TRIML1: variants seen among roughly 807,000 people sequenced by gnomAD.
The protein encoded by TRIML1 is tripartite motif family like 1.
In TRIML1, 34 loss-of-function variants were observed where a neutral mutation model predicts 32.3. The ratio of observed to expected loss-of-function variants is 1.05; its 90% CI spans 0.80 to 1.40. The LOEUF is 1.40. TRIML1 is among the 40% of genes most tolerant of loss of function. The pLI, the probability that TRIML1 is intolerant of heterozygous loss-of-function variation, is 0.00. For missense variants in TRIML1, 595 were observed against 574.9 expected (o/e 1.03, Z -0.36); for synonymous variants, 244 against 226.6 (o/e 1.08, Z -0.69).
chr4:188,150,433 C>T (rs922858889), downstream of TRIML1, among the ~76,000 whole-genome samples: 11 of 152,172 alleles, frequency 7.2e-5, no homozygotes, highest in Non-Finnish European at 1.2e-4. Flanking sequence ...CTGGGCCCCA[C>T]TTATTAGACA....
At position 188,139,853 on chromosome 4, in the gene TRIML1, C is replaced by G; in HGVS notation, c.295C>G (p.Pro99Ala). 1 of 1,613,822 alleles carries G rather than the reference C, an allele frequency of 6.2e-7. No individual in the cohort carries two copies. Among genetic ancestry groups the G allele is most frequent in the Non-Finnish European group, 8.5e-7 (1 of 1,180,026 alleles). ...EDEQGSYGRMPTTAKALSDDE... is the reference protein window; with the variant it reads ...EDEQGSYGRMATTAKALSDDE... Reference sequence around the variant, plus strand: ...TGAGCAGGGCAGCTACGGGAGGATGCCCACCACTGCCAAGGCGCTCTCCGA... The same window carrying G: ...TGAGCAGGGCAGCTACGGGAGGATGGCCACCACTGCCAAGGCGCTCTCCGA... The change falls in exon 1 of 6, where the codon CCC becomes GCC. Residue 99 changes from proline (P) to alanine (A), a missense_variant. By Grantham distance (27) the Pro-to-Ala change is conservative. Transcript: ENST00000332517.
At chr4:188,142,537 T>G in intron 3 of TRIML1, 55 bp downstream of exon 3, 1 of 1,322,166 alleles carries the variant, frequency 7.6e-7, no homozygotes, top group South Asian at 1.3e-5. Context: ...TCATAGTACT[T>G]CAAGCCATAG....
In TRIML1 at chr4:188,139,721, G is replaced by A; in HGVS notation, c.163G>A (p.Glu55Lys). Residue 55 changes from glutamate (E) to lysine (K), a missense_variant, in exon 1 of 6, where the codon GAG (glutamate) becomes AAG (lysine). Physicochemically the swap from Glu to Lys is moderately conservative, Grantham distance 56 (BLOSUM62 1). Coordinates refer to ENST00000332517, the MANE Select transcript of TRIML1 (RefSeq NM_178556.5). The stretch of plus-strand genomic sequence containing the variant: ...ACATAACACACCTTTATCTTGTCCT[G>A]AGTGCTGGAGGACCTTGGAGGGCCC... ...EEHNTPLSCP[E>K]CWRTLEGPHF... 2.5e-6 allele frequency: 4 copies of A among 1,614,014 alleles called. No individual in the cohort carries two copies. The highest frequency in any genetic ancestry group is 1.3e-5 in the African/African-American group (1 of 75,034).
intron 2 of TRIML1, among the ~76,000 whole-genome samples, chr4:188,141,559 T>C (rs146470651): frequency 6.6e-6 from 1 of 152,336 alleles, no homozygotes; most frequent in East Asian, 1.9e-4. Context: ...TAAATATTTG[T>C]TGAATAAATG....
Position 188,143,827 on chromosome 4 carries a change from T to G in TRIML1, c.736-11T>G. Reference sequence around the variant, plus strand: ...GCGCACCATGCTAACTTCTTTCTTTTTTACCCGTAGGAAGTGAGAGGAGCC... The same window carrying G: ...GCGCACCATGCTAACTTCTTTCTTTGTTACCCGTAGGAAGTGAGAGGAGCC... On this transcript the variant is annotated splice_polypyrimidine_tract_variant and intron_variant, in intron 3 of 5. Coordinates refer to ENST00000332517, the MANE Select transcript of TRIML1 (RefSeq NM_178556.5). The G allele has an allele frequency of 6.2e-7, 1 of 1,614,160 alleles. No homozygotes were observed. Among genetic ancestry groups the G allele is most frequent in the Non-Finnish European group, 8.5e-7 (1 of 1,180,030 alleles).
chr4:188,141,163 C>CTTTTTTTTTTT (rs1734837698), intron 2 of TRIML1, among the ~76,000 whole-genome samples: 3 of 106,342 alleles, frequency 2.8e-5, no homozygotes, highest in Non-Finnish European at 1.8e-5. Flanking sequence ...ACTTTGAAAT[C>CTTTTTTTTTTT]TGTTTTTTTT....
At chr4:188,149,420 G>A (rs1735194659), downstream of TRIML1, among the ~76,000 whole-genome samples, 1 of 152,222 alleles carries the variant, frequency 6.6e-6, no homozygotes, top group South Asian at 2.1e-4. Flanking sequence ...AGTTTTGTCT[G>A]TAAATTGGAG....
downstream of TRIML1, among the ~76,000 whole-genome samples, chr4:188,148,686 T>G (rs1377999924): frequency 6.7e-6 from 1 of 148,866 alleles, no homozygotes; most frequent in African/African-American, 2.5e-5. Flanking sequence ...CACTGCAACC[T>G]CCACCTCCGG....
upstream of TRIML1, chr4:188,139,351 C>T (rs189354219): frequency 1.2e-5 from 6 of 510,564 alleles, no homozygotes; most frequent in Admixed American, 1.8e-4. Context: ...GCCCAGTATA[C>T]AGGAGTTCCA....
rs77409624 is a variant in TRIML1, at chr4:188,139,829, G to C, written c.271G>C (p.Glu91Gln). The stretch of plus-strand genomic sequence containing the variant: ...GTCCCAGGTGCTGCAGAGCGAGGAT[G>C]AGCAGGGCAGCTACGGGAGGATGCC... The part of the protein sequence containing the change: ...LRSQVLQSED[E>Q]QGSYGRMPTT... The change falls in exon 1 of 6, where the codon GAG becomes CAG. Residue 91 changes from glutamate (E) to glutamine (Q), a missense_variant. Transcript: ENST00000332517. The C allele has an allele frequency of 1.8e-3, 2,953 of 1,613,904 alleles. 56 individuals carry two copies. The East Asian group carries it at 0.038, about 21-fold the overall frequency.
At chr4:188,140,128 TTTTTTG>T (rs1448946990) in intron 1 of TRIML1, among the ~76,000 whole-genome samples, 162 bp downstream of exon 1, 1 of 138,964 alleles carries the variant, frequency 7.2e-6, no homozygotes, top group Non-Finnish European at 1.6e-5. Context: ...TTTTTTCCCT[TTTTTTG>T]TTTTTGAGAC....
chr4:188,137,240 G>T (rs1374589292), upstream of TRIML1, among the ~76,000 whole-genome samples: 1 of 151,200 alleles, frequency 6.6e-6, no homozygotes, highest in African/African-American at 2.4e-5. Context: ...ACACTGAATG[G>T]AGATGGTAGT....
At chr4:188,138,531 G>T (rs557637605), upstream of TRIML1, among the ~76,000 whole-genome samples, 9 of 152,052 alleles carry the variant, frequency 5.9e-5, no homozygotes, top group Admixed American at 1.3e-4. Flanking sequence ...CCCGAGCAGG[G>T]GACACAGTGA....
intron 2 of TRIML1, 24 bp from the exon 3 acceptor site, chr4:188,142,228 G>A (rs763635595): frequency 1.4e-6 from 2 of 1,394,486 alleles, no homozygotes; most frequent in East Asian, 2.3e-5. Context: ...GTGTGTGTGT[G>A]TGTGTGTGTG....
At chr4:188,150,736 C>A (rs1255799312), downstream of TRIML1, among the ~76,000 whole-genome samples, 1 of 151,278 alleles carries the variant, frequency 6.6e-6, no homozygotes, top group Admixed American at 6.6e-5. Flanking sequence ...CTTTGCTGCA[C>A]CATTGTGTAC....
At chr4:188,149,739 C>A (rs554442699), downstream of TRIML1, among the ~76,000 whole-genome samples, 1 of 152,262 alleles carries the variant, frequency 6.6e-6, no homozygotes, top group South Asian at 2.1e-4. Context: ...TTGAGACTTG[C>A]AGAGGGGAGC....
At position 188,144,175 on chromosome 4, in the gene TRIML1, T is replaced by C. The variant is rs754313531; in HGVS notation, c.856+42T>C. The C allele has an allele frequency of 5.9e-6, 9 of 1,534,884 alleles. No individual in the cohort carries two copies. The African/African-American group carries it at 9.5e-5, about 16-fold the overall frequency. ...TGTTACCCCTCCGGGGCTCGAAGAA[T>C]TAACTTCAGCATACCTTCTTCCAGT... On this transcript the variant is annotated intron_variant, in intron 5 of 5. Transcript: ENST00000332517.
intron 3 of TRIML1, chr4:188,143,140 A>T (rs1183908619): frequency 1.3e-5 from 2 of 149,880 alleles, no homozygotes; most frequent in African/African-American, 4.9e-5. Context: ...ACTGCAATCT[A>T]CGCCTCCTGG....
chr4:188,146,487 G>A (rs182128840), intron 5 of TRIML1, among the ~76,000 whole-genome samples: 7 of 152,294 alleles, frequency 4.6e-5, no homozygotes, highest in Admixed American at 3.3e-4. Flanking sequence ...TTGGCTCACT[G>A]CAACCTCCAC....
Sources: gnomAD v4.1 joint callset for allele counts (sites outside exome capture counted in the v4.1 genomes callset) on GRCh38, gnomAD v4.1.1 for gene constraint, MANE v1.5 for transcripts, NCBI Gene and HGNC (gene_info 2026-07-23, HGNC 2026-07-21) for gene names.